The following IHO1 variants were observed in gnomAD, a reference collection of about 807,000 sequenced individuals.
IHO1 encodes the protein interactor of HORMAD1 1.
A neutral mutation model predicts 31.0 loss-of-function variants in IHO1; 13 were observed. That is an observed-to-expected ratio of 0.42 (90% CI 0.27 to 0.67). The LOEUF is 0.67. Ranked by LOEUF, IHO1 falls within the 30% of genes least tolerant of loss-of-function variation. The pLI is 0.24. For synonymous variants in IHO1, 221 were observed against 248.4 expected (o/e 0.89, Z 1.04); for missense variants, 599 against 687.5 (o/e 0.87, Z 1.44).
chr3:49,235,929 C>CG (rs1553618526), intron 2 of IHO1, among the ~76,000 whole-genome samples: 1 of 114,232 alleles, frequency 8.8e-6, no homozygotes, highest in Non-Finnish European at 1.8e-5. Context: ...GACTCTGTCT[C>CG]AAAAAAAAAA....
At chr3:49,214,630 A>ATATATATATATATATATT (rs2046265296) in intron 2 of IHO1, among the ~76,000 whole-genome samples, 2 of 14,232 alleles carry the variant, frequency 1.4e-4, no homozygotes, top group Non-Finnish European at 2.4e-4. Context: ...ATATATATAT[A>ATATATATATATATATATT]TATTTTTTTT....
intron 4 of IHO1, 130 bp downstream of exon 4, chr3:49,241,519 C>A: frequency 2.9e-6 from 2 of 695,452 alleles, no homozygotes; most frequent in Non-Finnish European, 4.7e-6. Context: ...GAAACCAAAC[C>A]ATAGGACTTA....
At chr3:49,200,204 G>A (rs1400725698) in intron 1 of IHO1, among the ~76,000 whole-genome samples, 1 of 152,090 alleles carries the variant, frequency 6.6e-6, no homozygotes, top group Non-Finnish European at 1.5e-5. Flanking sequence ...GCCGGCTGCG[G>A]TGGCTCACGC....
At chr3:49,213,743 C>T (rs1206458420) in intron 2 of IHO1, among the ~76,000 whole-genome samples, 1 of 152,236 alleles carries the variant, frequency 6.6e-6, no homozygotes, top group Non-Finnish European at 1.5e-5. Flanking sequence ...GAGTGCAGGG[C>T]CTGCCAAGCC....
At chr3:49,255,177 T>A (rs1221781251) in intron 6 of IHO1, among the ~76,000 whole-genome samples, 2 of 152,180 alleles carry the variant, frequency 1.3e-5, no homozygotes, top group East Asian at 3.8e-4. Context: ...TGCTGTTGTC[T>A]GGGCAACTGA....
intron 3 of IHO1, among the ~76,000 whole-genome samples, chr3:49,240,244 A>G (rs924583762): frequency 6.6e-6 from 1 of 151,572 alleles, no homozygotes; most frequent in Non-Finnish European, 1.5e-5. Context: ...CTGTTTTGAG[A>G]CGGAGTTTCA....
intron 2 of IHO1, chr3:49,228,218 CTTG>C (rs2046438570): frequency 2.7e-6 from 1 of 375,040 alleles, no homozygotes; most frequent in South Asian, 2.0e-5. Flanking sequence ...GGTCAACCAA[CTTG>C]TTGTCGGGAC....
chr3:49,226,270 G>T (rs1242921276), intron 2 of IHO1, among the ~76,000 whole-genome samples: 2 of 152,082 alleles, frequency 1.3e-5, no homozygotes, highest in Non-Finnish European at 1.5e-5. Flanking sequence ...AATGCCTCCA[G>T]ATTTTGTTCA....
chr3:49,256,222 G>T lies in IHO1; in HGVS notation c.725G>T (p.Cys242Phe). ...AQQSQEFQQL[C>F]EQLGQLNVPS... Reference sequence around the variant, plus strand: ...CAGAGTCAGGAATTCCAGCAGCTGTGTGAGCAGCTAGGCCAGCTGAATGTG... The same window carrying T: ...CAGAGTCAGGAATTCCAGCAGCTGTTTGAGCAGCTAGGCCAGCTGAATGTG... The change falls in exon 8 of 8, where the codon TGT becomes TTT. Residue 242 changes from cysteine to phenylalanine, a missense_variant. Physicochemically the swap from Cys to Phe is radical, Grantham distance 205. Transcript: ENST00000452691. The surrounding 1 kb of genome is among the most constrained non-coding windows in gnomAD (Gnocchi z 4.6). 1 of 1,614,148 alleles carries T rather than the reference G, an allele frequency of 6.2e-7. No homozygotes were observed. Among genetic ancestry groups the T allele is most frequent in the Non-Finnish European group, 8.5e-7 (1 of 1,179,984 alleles).
At chr3:49,226,241 C>A (rs149447930) in intron 2 of IHO1, among the ~76,000 whole-genome samples, 1 of 151,896 alleles carries the variant, frequency 6.6e-6, no homozygotes, top group Non-Finnish European at 1.5e-5. Context: ...GTCCCTACAC[C>A]GAGGTAGCCA....
rs374039350 is a variant in IHO1 at position 49,256,550 on chromosome 3, G to C, written c.1053G>C (p.Lys351Asn). The part of the protein sequence containing the change: ...SHERNRHVKD[K>N]VVQTNCKNWA... ...AAAGAAATAGGCATGTAAAGGACAA[G>C]GTGGTGCAGACTAACTGCAAGAACT... The change falls in exon 8 of 8, where the codon AAG (lysine) becomes AAC (asparagine). Residue 351 changes from lysine (K) to asparagine (N), a missense_variant. Lys to Asn is a moderately conservative substitution (Grantham distance 94). Transcript: ENST00000452691. The surrounding 1 kb of genome is among the most constrained non-coding windows in gnomAD (Gnocchi z 4.6). The C allele has an allele frequency of 6.2e-7, 1 of 1,614,010 alleles. No individual in the cohort carries two copies. The highest frequency in any genetic ancestry group is 8.5e-7 in the Non-Finnish European group (1 of 1,179,978).
At chr3:49,230,295 C>T (rs1298859773) in intron 2 of IHO1, among the ~76,000 whole-genome samples, 1 of 152,160 alleles carries the variant, frequency 6.6e-6, no homozygotes, top group Admixed American at 6.5e-5. Context: ...AGTTACACGA[C>T]CTATGGGGAC....
intron 2 of IHO1, among the ~76,000 whole-genome samples, chr3:49,219,583 G>A (rs1217517780): frequency 6.6e-6 from 1 of 152,134 alleles, no homozygotes; most frequent in Non-Finnish European, 1.5e-5. Context: ...CTATATTTCT[G>A]TGTGTGTGTC....
chr3:49,202,323 AT>A (rs66767086), intron 1 of IHO1, among the ~76,000 whole-genome samples: 2,056 of 132,470 alleles, frequency 0.016, 28 homozygotes, highest in African/African-American at 0.044. Context: ...CTTCTTTTTA[AT>A]TTTTTTTTTT....
At chr3:49,234,166 T>TTG (rs1445244253) in intron 2 of IHO1, among the ~76,000 whole-genome samples, 1 of 145,094 alleles carries the variant, frequency 6.9e-6, no homozygotes, top group African/African-American at 2.5e-5. Flanking sequence ...GTTGTTGTTT[T>TTG]TTTTTTTTTT....
intron 2 of IHO1, among the ~76,000 whole-genome samples, chr3:49,225,120 C>T (rs933199853): frequency 6.6e-5 from 10 of 152,248 alleles, no homozygotes; most frequent in South Asian, 6.2e-4. Flanking sequence ...GGTTGTCCTG[C>T]GGGTCTGAGT....
intron 2 of IHO1, among the ~76,000 whole-genome samples, chr3:49,235,651 G>T (rs2046550737): frequency 6.6e-6 from 1 of 151,902 alleles, no homozygotes; most frequent in South Asian, 2.1e-4. Context: ...TTCTTGGCTG[G>T]GTGCAATGGC....
At chr3:49,193,203 T>C in the IHO1 span, among the ~76,000 whole-genome samples, 2 of 151,572 alleles carry the variant, frequency 1.3e-5, no homozygotes, top group African/African-American at 2.4e-5. Context: ...AAACTCTGTC[T>C]CTACCAAATA....
upstream of IHO1, among the ~76,000 whole-genome samples, chr3:49,197,600 C>T (rs773035411): frequency 5.9e-5 from 9 of 152,030 alleles, no homozygotes; most frequent in Non-Finnish European, 1.2e-4. Flanking sequence ...TATGGCCAGG[C>T]GTGGTGGCTC....
Sources: allele counts gnomAD v4.1 joint callset (sites outside exome capture counted in the v4.1 genomes callset), GRCh38; gene constraint gnomAD v4.1.1; non-coding constraint Gnocchi (gnomAD v3.1); transcripts MANE v1.5; gene names NCBI Gene and HGNC (gene_info 2026-07-23, HGNC 2026-07-21).